EFCAB13: variants seen among roughly 807,000 people sequenced by gnomAD.
The protein encoded by EFCAB13 is EF-hand calcium-binding domain-containing protein 13.
A neutral mutation model predicts 110.2 loss-of-function variants in EFCAB13; 91 were observed. That is an observed-to-expected ratio of 0.83 (90% CI 0.70 to 0.98). The LOEUF (loss-of-function observed/expected upper bound fraction) is 0.98, where lower values mean the gene tolerates loss of function less well. Among genes scored for constraint, EFCAB13 ranks in the 50% least tolerant of loss-of-function variants. The pLI, the probability that EFCAB13 is intolerant of heterozygous loss-of-function variation, is 0.00. For missense variants in EFCAB13, 968 were observed against 1,119.4 expected (o/e 0.86, Z 1.93); for synonymous variants, 323 against 369.9 (o/e 0.87, Z 1.45).
intron 14 of EFCAB13, among the ~76,000 whole-genome samples, chr17:47,384,546 A>G (rs2065665821): frequency 6.6e-6 from 1 of 152,094 alleles, no homozygotes; most frequent in African/African-American, 2.4e-5. Flanking sequence ...GGTGTTGACA[A>G]AATCCCTCAG....
chr17:47,389,180 A>G (rs2065692414), intron 14 of EFCAB13, among the ~76,000 whole-genome samples: 1 of 152,138 alleles, frequency 6.6e-6, no homozygotes, highest in South Asian at 2.1e-4. Context: ...TCACAGGCAC[A>G]TGCCACTCAG....
chr17:47,332,064 A>C (rs542085352), intron 4 of EFCAB13, among the ~76,000 whole-genome samples: 1 of 152,254 alleles, frequency 6.6e-6, no homozygotes, highest in African/African-American at 2.4e-5. Flanking sequence ...TAAAGTTTCA[A>C]CTTGTTAGAG....
At position 47,341,901 on chromosome 17, in the gene EFCAB13, C is replaced by T. The variant is rs2065387172; in HGVS notation, c.192-20C>T. ...AGTAAAAAGAAATTCAAGAATGATTCCAATTTCTGTGTCATTTAGATTTGA... is the reference window on the plus strand; with the variant it reads ...AGTAAAAAGAAATTCAAGAATGATTTCAATTTCTGTGTCATTTAGATTTGA... On this transcript the variant is annotated intron_variant, in intron 5 of 24. Transcript: ENST00000331493. 7.6e-7 allele frequency: 1 copy of T among 1,322,528 alleles called. No individual in the cohort carries two copies. Among genetic ancestry groups the T allele is most frequent in the South Asian group, 1.3e-5 (1 of 77,700 alleles). The allele number at this position is 1,322,528 out of a possible 1,614,324, so 81.9% of individuals were successfully genotyped here.
chr17:47,439,195 TAGAC>T (rs1286226152), intron 24 of EFCAB13, among the ~76,000 whole-genome samples: 1 of 147,160 alleles, frequency 6.8e-6, no homozygotes, highest in East Asian at 2.0e-4. Context: ...TTTTTTTTTT[TAGAC>T]AGATTCTTGC....
chr17:47,421,890 G>C (rs906471097), intron 23 of EFCAB13, among the ~76,000 whole-genome samples: 5 of 152,124 alleles, frequency 3.3e-5, no homozygotes, highest in African/African-American at 9.7e-5. Flanking sequence ...AATTTAAGAA[G>C]GATATAGTAT....
chr17:47,357,488 C>T (rs1360353861), intron 9 of EFCAB13, among the ~76,000 whole-genome samples: 1 of 152,196 alleles, frequency 6.6e-6, no homozygotes, highest in Non-Finnish European at 1.5e-5. Flanking sequence ...CGATCTCGCT[C>T]ACTGCAACCT....
intron 15 of EFCAB13, among the ~76,000 whole-genome samples, chr17:47,392,937 T>C (rs977911906): frequency 1.2e-4 from 19 of 152,314 alleles, no homozygotes; most frequent in African/African-American, 3.6e-4. Context: ...ACAACAGTGA[T>C]GATTATCGTA....
intron 24 of EFCAB13, among the ~76,000 whole-genome samples, chr17:47,437,066 G>A (rs1404584457): frequency 6.6e-6 from 1 of 152,064 alleles, no homozygotes; most frequent in Non-Finnish European, 1.5e-5. Context: ...TATTTGCATG[G>A]TTTTGAAGGT....
chr17:47,394,057 G>A lies in EFCAB13; in HGVS notation c.1759G>A (p.Asp587Asn). 1 of 1,547,782 alleles carries A rather than the reference G, an allele frequency of 6.5e-7. No homozygotes were observed. Among genetic ancestry groups the A allele is most frequent in the Admixed American group, 2.1e-5 (1 of 48,334 alleles). ...TKKVNFKEFI[D>N]TMMSNTECFS... ...AAAAGTGAATTTTAAAGAATTCATT[G>A]ATACTATGATGAGCAACACGGAATG... is the stretch of plus-strand genomic sequence containing the variant. Residue 587 changes from aspartate to asparagine, a missense_variant, in exon 16 of 25, where the codon GAT becomes AAT. Physicochemically the swap from Asp to Asn is conservative, Grantham distance 23 (BLOSUM62 1). Transcript: ENST00000331493.
At chr17:47,370,704 T>C (rs2065576976) in intron 11 of EFCAB13, among the ~76,000 whole-genome samples, 196 bp downstream of exon 11, 1 of 151,788 alleles carries the variant, frequency 6.6e-6, no homozygotes, top group Non-Finnish European at 1.5e-5. Flanking sequence ...TTTATGCATA[T>C]TCTTTGCCCA....
intron 10 of EFCAB13, among the ~76,000 whole-genome samples, chr17:47,363,281 G>A (rs2065526603): frequency 6.6e-6 from 1 of 152,040 alleles, no homozygotes; most frequent in Non-Finnish European, 1.5e-5. Context: ...TTCCTAGGCT[G>A]GTCTCAAACT....
intron 9 of EFCAB13, among the ~76,000 whole-genome samples, chr17:47,350,992 C>T (rs1358288647): frequency 6.6e-6 from 1 of 152,010 alleles, no homozygotes; most frequent in Admixed American, 6.6e-5. Flanking sequence ...TAAAGTCTGG[C>T]TTTTAGTGTA....
At chr17:47,409,604 G>T (rs369730561) in intron 20 of EFCAB13, 43 bp from the exon 21 acceptor site, 167 of 1,477,264 alleles carry the variant, frequency 1.1e-4, no homozygotes, top group Non-Finnish European at 1.6e-4. Flanking sequence ...GTAAGATCAG[G>T]ATGCCATTCC....
intron 20 of EFCAB13, 72 bp from the exon 21 acceptor site, chr17:47,409,575 T>TG: frequency 8.8e-7 from 1 of 1,130,362 alleles, no homozygotes; most frequent in East Asian, 2.4e-5. Flanking sequence ...ATCTATCCAT[T>TG]GGTTTCCTTT....
At chr17:47,386,815 G>T (rs2065678983) in intron 14 of EFCAB13, among the ~76,000 whole-genome samples, 2 of 152,062 alleles carry the variant, frequency 1.3e-5, no homozygotes, top group African/African-American at 4.8e-5. Flanking sequence ...CGTGGGGAAA[G>T]CATAGTATCT....
intron 14 of EFCAB13, among the ~76,000 whole-genome samples, chr17:47,390,074 T>TA (rs1174863285): frequency 6.6e-6 from 1 of 152,202 alleles, no homozygotes; most frequent in East Asian, 1.9e-4. Flanking sequence ...AGTGACTACT[T>TA]AAAGTTTATA....
At position 47,434,532 on chromosome 17, in the gene EFCAB13, A is replaced by G. The variant is rs1346682236; in HGVS notation, c.2638+4571A>G. On this transcript the variant is annotated intron_variant, in intron 24 of 24. Coordinates refer to ENST00000331493, the MANE Select transcript of EFCAB13 (RefSeq NM_152347.5). ...AAAGTACCATGATCATTCTTCACAGAACTAAAAAAAGTCCTAAAATTCATA... is the reference window on the plus strand; with the variant it reads ...AAAGTACCATGATCATTCTTCACAGGACTAAAAAAAGTCCTAAAATTCATA... 4.6e-5 allele frequency among the ~76,000 whole-genome samples: 7 copies of G among 152,240 alleles called. No individual in the cohort carries two copies. The South Asian group carries it at 6.2e-4, about 14-fold the overall frequency.
At chr17:47,419,967 C>G (rs1904585579) in intron 23 of EFCAB13, among the ~76,000 whole-genome samples, 1 of 152,148 alleles carries the variant, frequency 6.6e-6, no homozygotes, top group South Asian at 2.1e-4. Flanking sequence ...CTCCCTCTCC[C>G]TCTCTTTCCA....
At chr17:47,422,486 T>C (rs1163765835) in intron 23 of EFCAB13, among the ~76,000 whole-genome samples, 2 of 152,198 alleles carry the variant, frequency 1.3e-5, no homozygotes, top group African/African-American at 4.8e-5. Context: ...AGAAAAAATA[T>C]GAATCTATAC....
Sources: allele counts gnomAD v4.1 joint callset (sites outside exome capture counted in the v4.1 genomes callset), GRCh38; gene constraint gnomAD v4.1.1; transcripts MANE v1.5; gene names NCBI Gene and HGNC (gene_info 2026-07-23, HGNC 2026-07-21).